PHF19: variants seen among roughly 807,000 people sequenced by gnomAD.
PHF19 encodes the protein PHD finger protein 19.
In PHF19, 21 loss-of-function variants were observed where a neutral mutation model predicts 79.8. The observed-to-expected ratio is 0.26, with a 90% confidence interval of 0.19 to 0.38. The LOEUF (loss-of-function observed/expected upper bound fraction) is 0.38. Ranked by LOEUF, PHF19 falls within the 10% of genes least tolerant of loss-of-function variation. PHF19 has a pLI of 1.00. For missense variants in PHF19, 445 were observed against 744.2 expected (o/e 0.60, Z 4.68); for synonymous variants, 273 against 296.3 (o/e 0.92, Z 0.81).
In PHF19 at chr9:120,861,145, G is replaced by A. The variant is rs754315250; in HGVS notation, c.1248C>T (p.Asn416=). The A allele has an allele frequency of 1.9e-6, 3 of 1,610,370 alleles. No homozygotes were observed. The East Asian group carries it at 6.7e-5, about 36-fold the overall frequency. ...SSDFTSAWST[N]HHLASIFDFT... ...AGTCAAATATGCTAGCCAGGTGGTG[G>A]TTGGTGCTCCAGGCTGAGGTGAAGT... is the stretch of plus-strand genomic sequence containing the variant. Residue 416 remains asparagine (N), a synonymous_variant, in exon 13 of 15, where the codon AAC becomes AAT. Transcript: ENST00000373896.
In PHF19 at chr9:120,869,164, CCT is replaced by C; in HGVS notation, c.614+16_614+17del. 2 of 1,598,172 alleles carry C rather than the reference CCT, an allele frequency of 1.3e-6. No individual in the cohort carries two copies. Among genetic ancestry groups the C allele is most frequent in the Non-Finnish European group, 1.7e-6 (2 of 1,172,630 alleles). ...AGACCTGCCCTGCCGCCCGGGGGGC[CCT>C]GACCCCCTGCCTTACTCTCCGGGCC... On this transcript the variant is annotated intron_variant, in intron 6 of 14. Transcript: ENST00000373896. This position sits in a 1 kb window ranked among gnomAD's most constrained non-coding sequence, Gnocchi z 5.8.
rs1401505338 is a variant in PHF19, at chr9:120,870,506, T to G, written c.301A>C (p.Ile101Leu). The G allele has an allele frequency of 6.2e-7, 1 of 1,612,792 alleles. No homozygotes were observed. The highest frequency in any genetic ancestry group is 1.1e-5 in the South Asian group (1 of 91,066). The change falls in exon 4 of 15, where the codon ATC (isoleucine) becomes CTC (leucine). Residue 101 changes from isoleucine to leucine, a missense_variant. This residue lies in a region of PHF19 where 167 missense variants were observed against 375.8 expected (regional missense o/e 0.44). Transcript: ENST00000373896. This position sits in a 1 kb window ranked among gnomAD's most constrained non-coding sequence, Gnocchi z 4.4. Reference protein sequence around the residue: ...GVPGEEPKCNICLGKTSGPLN... With the variant: ...GVPGEEPKCNLCLGKTSGPLN... Reference sequence around the variant, plus strand: ...GGCCCTGATGTCTTCCCTAGGCAGATGTTGCACTTGGGCTCCTCTCCTGGA... The same window carrying G: ...GGCCCTGATGTCTTCCCTAGGCAGAGGTTGCACTTGGGCTCCTCTCCTGGA...
intron 1 of PHF19, among the ~76,000 whole-genome samples, chr9:120,892,664 C>T (rs538621173): frequency 6.6e-6 from 1 of 152,288 alleles, no homozygotes; most frequent in South Asian, 2.1e-4. Flanking sequence ...TTCCTGGGTG[C>T]TTCTGACCTT....
upstream of PHF19, among the ~76,000 whole-genome samples, chr9:120,878,674 T>C (rs1203146878): frequency 1.3e-5 from 2 of 152,044 alleles, no homozygotes; most frequent in Non-Finnish European, 2.9e-5. Context: ...TGCCCCTTGA[T>C]CCCCCTGCTC....
intron 1 of PHF19, among the ~76,000 whole-genome samples, chr9:120,887,112 C>G (rs896050881): frequency 1.3e-5 from 2 of 150,414 alleles, no homozygotes; most frequent in South Asian, 4.2e-4. Flanking sequence ...AAATTACCCT[C>G]GATAGAGTGA....
chr9:120,858,388 G>A lies in PHF19; in HGVS notation c.1401-102C>T, dbSNP rs2045409019. On this transcript the variant is annotated intron_variant, in intron 14 of 14. Transcript: ENST00000373896. ...CCCTCAGTACCAGGAAAGTGGAAGA[G>A]AAAAGCGCTGAACAGCATTCTCTTA... 3 of 848,684 alleles carry A rather than the reference G, an allele frequency of 3.5e-6. No homozygotes were observed. The East Asian group carries it at 8.4e-5, about 24-fold the overall frequency. The allele number at this position is 848,684 out of a possible 1,614,324, so 52.6% of individuals were successfully genotyped here. A position where few individuals can be genotyped will look rare whatever the true frequency, so the allele number is the denominator to read the frequency against.
At chr9:120,896,815 C>T (rs943117241), upstream of PHF19, among the ~76,000 whole-genome samples, 1 of 152,242 alleles carries the variant, frequency 6.6e-6, no homozygotes, top group Non-Finnish European at 1.5e-5. Context: ...GTTGCACACC[C>T]TGAAATGAAG....
In PHF19 at chr9:120,869,533, T is replaced by A. The variant is rs2045825564; in HGVS notation, c.466-203A>T. The A allele has an allele frequency of 5.0e-6, 7 of 1,411,532 alleles. No individual in the cohort carries two copies. In the South Asian group the frequency reaches 1.0e-4, roughly 21 times the overall value. The allele number at this position is 1,411,532 out of a possible 1,614,324, so 87.4% of individuals were successfully genotyped here. A position where few individuals can be genotyped will look rare whatever the true frequency, so the allele number is the denominator to read the frequency against. ...AGAAGGAACTCCGTTGATAACAGAA[T>A]TAAGAGTAATAAGCGCAATAAAGGC... On this transcript the variant is annotated intron_variant, in intron 5 of 14. Coordinates refer to ENST00000373896, the MANE Select transcript of PHF19 (RefSeq NM_015651.3). The surrounding 1 kb of genome is among the most constrained non-coding windows in gnomAD (Gnocchi z 5.8).
At chr9:120,864,220 T>C (rs776813065) in intron 9 of PHF19, 104 bp from the exon 10 acceptor site, 4 of 926,248 alleles carry the variant, frequency 4.3e-6, no homozygotes, top group Non-Finnish European at 6.9e-6. Flanking sequence ...TTCTGAGTCC[T>C]TCAGGTGAGG....
At chr9:120,881,316 T>C (rs1350628291), upstream of PHF19, among the ~76,000 whole-genome samples, 1 of 151,672 alleles carries the variant, frequency 6.6e-6, no homozygotes, top group Non-Finnish European at 1.5e-5. Flanking sequence ...CCCCGCTGAT[T>C]TTTTATATTT....
intron 1 of PHF19, among the ~76,000 whole-genome samples, chr9:120,875,295 T>C (rs1337295282): frequency 6.6e-6 from 1 of 152,202 alleles, no homozygotes; most frequent in African/African-American, 2.4e-5. Flanking sequence ...TAATCCCCCC[T>C]TCTGTTCTCA....
Position 120,869,987 on chromosome 9 carries a change from G to C in PHF19, c.365-42C>G. On this transcript the variant is annotated intron_variant, in intron 4 of 14. Transcript: ENST00000373896. This position sits in a 1 kb window ranked among gnomAD's most constrained non-coding sequence, Gnocchi z 5.8. ...GGCGGTGAGCGCCCACAAGGACATC[G>C]TGGCCCAAGGCCAGTTGGCCCAAAG... 6.5e-7 allele frequency: 1 copy of C among 1,543,726 alleles called. No individual in the cohort carries two copies. Among genetic ancestry groups the C allele is most frequent in the South Asian group, 1.2e-5 (1 of 84,044 alleles).
At chr9:120,889,858 AAG>A (rs1205140703) in intron 1 of PHF19, among the ~76,000 whole-genome samples, 1 of 152,072 alleles carries the variant, frequency 6.6e-6, no homozygotes, top group Non-Finnish European at 1.5e-5. Flanking sequence ...ACAAGAAAGA[AAG>A]AGAGGAAGGA....
At chr9:120,884,484 A>G (rs927999965) in intron 1 of PHF19, among the ~76,000 whole-genome samples, 3 of 152,240 alleles carry the variant, frequency 2.0e-5, no homozygotes, top group Non-Finnish European at 4.4e-5. Context: ...GAGACAAGAT[A>G]TAACCAACTG....
At chr9:120,903,311 C>T in the PHF19 span, 1 of 152,296 alleles carries the variant, frequency 6.6e-6, no homozygotes, top group Non-Finnish European at 1.5e-5. Context: ...TCCTGAAAAC[C>T]CCTAGAGCTG....
At chr9:120,901,125 T>C in the PHF19 span, among the ~76,000 whole-genome samples, 125 of 152,006 alleles carry the variant, frequency 8.2e-4, no homozygotes, top group African/African-American at 3.0e-3. Context: ...GAAGATATGA[T>C]CTCATCGAAG....
Position 120,859,417 on chromosome 9 carries a change from G to A in PHF19, c.1400+673C>T, listed in dbSNP as rs906334932. Among the ~76,000 whole-genome samples the A allele has an allele frequency of 1.6e-4, 24 of 152,030 alleles. No homozygotes were observed. The East Asian group carries it at 4.3e-3, about 27-fold the overall frequency. ...TGACAGGCATGAGCCACCGTGCCTG[G>A]CCAGGCATTATACTTTTAATTCTAC... is the stretch of plus-strand genomic sequence containing the variant. On this transcript the variant is annotated intron_variant, in intron 14 of 14. Transcript: ENST00000373896.
chr9:120,887,905 A>G (rs1823524570), intron 1 of PHF19, among the ~76,000 whole-genome samples: 1 of 152,082 alleles, frequency 6.6e-6, no homozygotes, highest in Non-Finnish European at 1.5e-5. Flanking sequence ...TGACCGACCC[A>G]CCTTCCTTCA....
In PHF19 at chr9:120,862,033, G is replaced by A. The variant is rs993639604; in HGVS notation, c.1131-28C>T. On this transcript the variant is annotated intron_variant, in intron 11 of 14. Transcript: ENST00000373896. The surrounding 1 kb of genome is among the most constrained non-coding windows in gnomAD (Gnocchi z 4.6). ...GTGGAGACAGAAGAGGGAGAAGGTG[G>A]CCCCGTCAGAGCCTGAGGGCCCTAG... The A allele has an allele frequency of 5.1e-6, 8 of 1,568,378 alleles. No homozygotes were observed. Among genetic ancestry groups the A allele is most frequent in the Non-Finnish European group, 7.0e-6 (8 of 1,138,320 alleles).
Sources: gnomAD v4.1 joint callset for allele counts (sites outside exome capture counted in the v4.1 genomes callset) on GRCh38, gnomAD v4.1.1 for gene constraint, gnomAD v4.1.1 regional missense constraint, Gnocchi (gnomAD v3.1) non-coding constraint, MANE v1.5 for transcripts, NCBI Gene and HGNC (gene_info 2026-07-23, HGNC 2026-07-21) for gene names.